The following PCCA variants were observed in gnomAD, a reference collection of about 807,000 sequenced individuals.
PCCA encodes the protein propionyl-CoA carboxylase alpha chain, mitochondrial.
PCCA carries 74 observed loss-of-function variants against 101.3 expected under a neutral mutation model. That is an observed-to-expected ratio of 0.73 (90% CI 0.61 to 0.89). PCCA has a LOEUF of 0.89. Ranked by LOEUF, PCCA falls within the 40% of genes least tolerant of loss-of-function variation. The pLI, the probability that PCCA is intolerant of heterozygous loss-of-function variation, is 0.00. For missense variants in PCCA, 891 were observed against 907.0 expected, an observed-to-expected ratio of 0.98 and a Z score of 0.23; for synonymous variants, 294 against 313.6, an observed-to-expected ratio of 0.94 and a Z score of 0.66.
At chr13:100,457,563 C>A (rs1264516294) in intron 21 of PCCA, among the ~76,000 whole-genome samples, 1 of 152,186 alleles carries the variant, frequency 6.6e-6, no homozygotes, top group Non-Finnish European at 1.5e-5. Flanking sequence ...GATACCTGCA[C>A]ACATAATGGG....
rs542197567 is a variant in PCCA at position 100,331,506 on chromosome 13, T to C, written c.1540+835T>C. Among the ~76,000 whole-genome samples, 7 of 152,326 alleles carry C rather than the reference T, an allele frequency of 4.6e-5. 1 individual carries two copies. Among genetic ancestry groups the C allele is most frequent in the African/African-American group, 1.7e-4 (7 of 41,574 alleles). On this transcript the variant is annotated intron_variant, in intron 17 of 23. Transcript: ENST00000376285. ...GGTCAAGTTGATGTCGTTGAGTTGT[T>C]GGGTGCATTTATAAAGCAGTTTTCA...
chr13:100,444,232 C>T (rs565329816), intron 20 of PCCA, among the ~76,000 whole-genome samples: 4 of 148,132 alleles, frequency 2.7e-5, no homozygotes, highest in Non-Finnish European at 5.9e-5. Context: ...GACGGTGTCT[C>T]GCTCTGTCTC....
intron 19 of PCCA, among the ~76,000 whole-genome samples, chr13:100,381,800 A>G (rs1311910166): frequency 6.6e-6 from 1 of 152,220 alleles, no homozygotes; most frequent in African/African-American, 2.4e-5. Context: ...TTTTGGCGCC[A>G]GTGGGATCAA....
chr13:100,530,047 C>A, intron 23 of PCCA, 51 bp from the exon 24 acceptor site: 1 of 1,410,798 alleles, frequency 7.1e-7, no homozygotes, highest in South Asian at 1.2e-5. Context: ...CCTCTTGGTT[C>A]TGGTTACTAA....
chr13:100,473,777 A>G (rs918906282), intron 21 of PCCA, among the ~76,000 whole-genome samples: 1 of 152,234 alleles, frequency 6.6e-6, no homozygotes, highest in African/African-American at 2.4e-5. Flanking sequence ...GACACATGCA[A>G]CTTATTATCA....
chr13:100,162,068 A>G (rs940243201), intron 6 of PCCA, among the ~76,000 whole-genome samples: 2 of 142,312 alleles, frequency 1.4e-5, no homozygotes, highest in African/African-American at 2.6e-5. Flanking sequence ...CTTCTGGAGC[A>G]TGTGTGTCTG....
chr13:100,462,198 C>T (rs2082207897), intron 21 of PCCA, among the ~76,000 whole-genome samples: 1 of 152,134 alleles, frequency 6.6e-6, no homozygotes, highest in Non-Finnish European at 1.5e-5. Flanking sequence ...AACATTGTTT[C>T]TGTGGTAATG....
intron 12 of PCCA, among the ~76,000 whole-genome samples, chr13:100,292,933 TC>T (rs2065241491): frequency 5.6e-5 from 1 of 17,998 alleles, no homozygotes; most frequent in Non-Finnish European, 1.1e-4. Context: ...CTTTCCAAAT[TC>T]GTGTGTGTGT....
At chr13:100,485,084 G>A (rs2084269054) in intron 21 of PCCA, among the ~76,000 whole-genome samples, 1 of 152,158 alleles carries the variant, frequency 6.6e-6, no homozygotes, top group South Asian at 2.1e-4. Context: ...AAATCAGAGG[G>A]GAAGGATTGC....
intron 18 of PCCA, among the ~76,000 whole-genome samples, chr13:100,367,910 A>G (rs1439693112): frequency 6.6e-6 from 1 of 151,978 alleles, no homozygotes; most frequent in African/African-American, 2.4e-5. Flanking sequence ...GTGAGCCGAA[A>G]TCGCACCATT....
intron 2 of PCCA, among the ~76,000 whole-genome samples, chr13:100,103,407 G>A (rs1282958560): frequency 6.7e-6 from 1 of 150,212 alleles, no homozygotes; most frequent in Non-Finnish European, 1.5e-5. Flanking sequence ...CGCCTCTGGG[G>A]TTCAAACAAT....
At chr13:100,402,493 T>TCGA (rs2077425473) in intron 19 of PCCA, among the ~76,000 whole-genome samples, 1 of 152,240 alleles carries the variant, frequency 6.6e-6, no homozygotes, top group East Asian at 1.9e-4. Context: ...TTATCAAGGA[T>TCGA]CTGTCGTTCT....
At position 100,309,739 on chromosome 13, in the gene PCCA, CTG is replaced by C. The variant is rs958749867; in HGVS notation, c.1354-92_1354-91del. ...AAAATTTCGAGATATATTTAGAAAT[CTG>C]TTATGAAATATTTTAATTTTTACTA... is the stretch of plus-strand genomic sequence containing the variant. On this transcript the variant is annotated intron_variant, in intron 15 of 23. Coordinates refer to ENST00000376285, the MANE Select transcript of PCCA (RefSeq NM_000282.4). 13 of 794,704 alleles carry C rather than the reference CTG, an allele frequency of 1.6e-5. No individual in the cohort carries two copies. In the East Asian group the frequency reaches 1.9e-4, roughly 12 times the overall value. The allele number at this position is 794,704 out of a possible 1,614,324, so 49.2% of individuals were successfully genotyped here.
At chr13:100,389,930 T>G (rs368930751) in intron 19 of PCCA, among the ~76,000 whole-genome samples, 2 of 152,262 alleles carry the variant, frequency 1.3e-5, no homozygotes, top group East Asian at 3.9e-4. Context: ...GTTGCCTGTT[T>G]GGGAGATCAC....
chr13:100,422,160 T>C (rs1401970518), intron 19 of PCCA, among the ~76,000 whole-genome samples: 2 of 143,860 alleles, frequency 1.4e-5, no homozygotes, highest in Non-Finnish European at 3.0e-5. Flanking sequence ...TTTGACAGCA[T>C]TTTGCTCTGT....
intron 6 of PCCA, among the ~76,000 whole-genome samples, chr13:100,205,979 G>A (rs1334253013): frequency 6.6e-6 from 1 of 152,110 alleles, no homozygotes; most frequent in Non-Finnish European, 1.5e-5. Flanking sequence ...GTTGATAGAG[G>A]TGTAGGCTTA....
chr13:100,445,774 A>C (rs1039987925), intron 20 of PCCA, among the ~76,000 whole-genome samples: 1 of 97,794 alleles, frequency 1.0e-5, no homozygotes, highest in Non-Finnish European at 2.0e-5. Context: ...ATAATATTCC[A>C]TTTTGCATAT....
intron 10 of PCCA, among the ~76,000 whole-genome samples, chr13:100,267,872 T>G (rs2063049286): frequency 6.6e-6 from 1 of 152,210 alleles, no homozygotes; most frequent in Admixed American, 6.5e-5. Context: ...ATCTGAAATT[T>G]AAATGTAGCT....
rs776355907 is a variant in PCCA at position 100,330,561 on chromosome 13, G to A, written c.1430G>A (p.Gly477Asp). Residue 477 changes from glycine (G) to aspartate (D), a missense_variant and splice_region_variant, in exon 17 of 24, where the codon GGT becomes GAT. Transcript: ENST00000376285. ...ADALDNYVIR[G>D]VTHNIALLRE... ...CAATTTGATATCATTTTACTTTTAG[G>A]TGTTACACATAATATTGCATTACTT... The A allele has an allele frequency of 1.3e-5, 20 of 1,551,902 alleles. No homozygotes were observed. In the East Asian group the frequency reaches 3.6e-4, roughly 28 times the overall value.
Sources: gnomAD v4.1 joint callset for allele counts (sites outside exome capture counted in the v4.1 genomes callset) on GRCh38, gnomAD v4.1.1 for gene constraint, MANE v1.5 for transcripts, NCBI Gene and HGNC (gene_info 2026-07-23, HGNC 2026-07-21) for gene names.